Variants in TMEM242 observed in about 807,000 individuals in gnomAD.
TMEM242 encodes UPF0463 transmembrane protein C6orf35.
In TMEM242, 10 loss-of-function variants were observed where a neutral mutation model predicts 18.2. The ratio of observed to expected loss-of-function variants is 0.55; its 90% confidence interval spans 0.34 to 0.93. The LOEUF (loss-of-function observed/expected upper bound fraction) is 0.93. TMEM242 is among the 40% of genes least tolerant of loss of function. TMEM242 has a pLI of 0.02. For synonymous variants in TMEM242, 57 were observed against 69.9 expected, an observed-to-expected ratio of 0.81 and a Z score of 0.92; for missense variants, 186 against 175.5, an observed-to-expected ratio of 1.06 and a Z score of -0.34.
rs782163487 is a variant in TMEM242 at position 157,318,906 on chromosome 6, G to A, written c.203C>T (p.Thr68Met). The A allele has an allele frequency of 1.6e-5, 26 of 1,604,942 alleles. No individual in the cohort carries two copies. Among genetic ancestry groups the A allele is most frequent in the Middle Eastern group, 1.7e-4 (1 of 6,050 alleles). The stretch of plus-strand genomic sequence containing the variant: ...AGACCCGCTTTCCGGTAATGCAGCC[G>A]TGGCCATACTTCCCTGAAATGAAAC... The part of the protein sequence containing the change: ...PEWFNKGSMA[T>M]AALPESGSSL... Residue 68 changes from threonine (T) to methionine (M), a missense_variant, in exon 3 of 4, where the codon ACG becomes ATG. Thr to Met is a moderately conservative substitution (Grantham distance 81). Transcript: ENST00000400788.
intron 3 of TMEM242, among the ~76,000 whole-genome samples, chr6:157,293,855 C>G (rs1200206569): frequency 1.3e-5 from 2 of 152,006 alleles, no homozygotes; most frequent in African/African-American, 4.8e-5. Flanking sequence ...ACCTCAGCAC[C>G]CCCAAGTAGC....
intron 3 of TMEM242, chr6:157,318,455 T>A: frequency 3.0e-6 from 1 of 338,972 alleles, no homozygotes; most frequent in Non-Finnish European, 5.3e-6. Context: ...ACTTCAGAGC[T>A]CAAGTGATTT....
chr6:157,303,552 G>T (rs1336833922), intron 3 of TMEM242, among the ~76,000 whole-genome samples: 1 of 152,168 alleles, frequency 6.6e-6, no homozygotes, highest in Admixed American at 6.5e-5. Context: ...CAGTGGCAGA[G>T]AAACTATTTT....
chr6:157,304,682 G>T (rs1554247793), intron 3 of TMEM242, among the ~76,000 whole-genome samples: 1 of 152,086 alleles, frequency 6.6e-6, no homozygotes, highest in African/African-American at 2.4e-5. Context: ...GATAAAACAA[G>T]ACAATGGTCA....
rs2128412163 is a variant in TMEM242 at position 157,290,137 on chromosome 6, C to T, written c.*2764G>A. On this transcript the variant is annotated 3_prime_UTR_variant, in exon 4 of 4. Transcript: ENST00000400788. ...ATGAATCCTGGGGTCTCGGAAGCCACTCCTCCCTGCCCGTGCTTTCTCTAA... is the reference window on the plus strand; with the variant it reads ...ATGAATCCTGGGGTCTCGGAAGCCATTCCTCCCTGCCCGTGCTTTCTCTAA... The T allele has an allele frequency of 6.6e-6, 1 of 152,366 alleles. No homozygotes were observed. The highest frequency in any genetic ancestry group is 1.9e-4 in the East Asian group (1 of 5,180). The allele number at this position is 152,366 out of a possible 1,614,324, so 9.4% of individuals were successfully genotyped here. A position where few individuals can be genotyped will look rare whatever the true frequency, so the allele number is the denominator to read the frequency against.
chr6:157,302,124 G>C (rs1554247573), intron 3 of TMEM242, among the ~76,000 whole-genome samples: 1 of 152,130 alleles, frequency 6.6e-6, no homozygotes, highest in Non-Finnish European at 1.5e-5. Context: ...ATGGTAAGGG[G>C]ACTAGGTACA....
chr6:157,299,549 G>A, intron 3 of TMEM242: 1 of 1,524,248 alleles, frequency 6.6e-7, no homozygotes, highest in Non-Finnish European at 9.1e-7. Context: ...ACGGTTTTTG[G>A]AAAATGCACT....
chr6:157,291,326 G>A lies in TMEM242; in HGVS notation c.*1575C>T, dbSNP rs1423356436. ...TTTCCCCCCACATCAAACGAGTAAAGTGCATCGTTGTAACAAGGTTTGAGG... is the reference window on the plus strand; with the variant it reads ...TTTCCCCCCACATCAAACGAGTAAAATGCATCGTTGTAACAAGGTTTGAGG... On this transcript the variant is annotated 3_prime_UTR_variant, in exon 4 of 4. Coordinates refer to ENST00000400788, the MANE Select transcript of TMEM242 (RefSeq NM_018452.6). 5 of 142,604 alleles carry A rather than the reference G, an allele frequency of 3.5e-5. No individual in the cohort carries two copies. In the East Asian group the frequency reaches 5.8e-4, roughly 16 times the overall value. 8.8% of individuals were successfully genotyped at this position (142,604 alleles called of 1,614,324 possible).
At chr6:157,304,091 T>G (rs1298631273) in intron 3 of TMEM242, among the ~76,000 whole-genome samples, 3 of 152,166 alleles carry the variant, frequency 2.0e-5, no homozygotes, top group African/African-American at 7.2e-5. Flanking sequence ...TAATTTCTGA[T>G]GCAATATAAA....
chr6:157,309,963 C>T (rs1399774658), intron 3 of TMEM242, among the ~76,000 whole-genome samples: 1 of 152,122 alleles, frequency 6.6e-6, no homozygotes, highest in Admixed American at 6.5e-5. Flanking sequence ...TTCTGCCAGT[C>T]CTTTGAGATA....
chr6:157,299,823 T>C (rs587739421), intron 3 of TMEM242: 34 of 1,610,238 alleles, frequency 2.1e-5, no homozygotes, highest in South Asian at 1.6e-4. Context: ...TGAAGATCCA[T>C]TGTCTCACCC....
chr6:157,302,333 A>G (rs1390725668), intron 3 of TMEM242, among the ~76,000 whole-genome samples: 15 of 152,358 alleles, frequency 9.8e-5, no homozygotes, highest in African/African-American at 3.6e-4. Context: ...TGTTCCCACC[A>G]TCCACCTATA....
chr6:157,308,296 G>A (rs1554248066), intron 3 of TMEM242, among the ~76,000 whole-genome samples: 1 of 152,168 alleles, frequency 6.6e-6, no homozygotes, highest in East Asian at 1.9e-4. Flanking sequence ...ACTTAAATTA[G>A]CAAGGAGCCA....
intron 3 of TMEM242, among the ~76,000 whole-genome samples, chr6:157,306,700 A>G (rs1390182428): frequency 1.3e-5 from 2 of 152,232 alleles, no homozygotes; most frequent in African/African-American, 4.8e-5. Context: ...ATAACTGGGT[A>G]AAATAAAGCA....
chr6:157,301,393 C>CCT (rs1777828561), intron 3 of TMEM242, among the ~76,000 whole-genome samples: 1 of 151,948 alleles, frequency 6.6e-6, no homozygotes, highest in Non-Finnish European at 1.5e-5. Context: ...CTCACTGCAA[C>CCT]CTCTGCCTCC....
chr6:157,313,173 C>A (rs1778249923), intron 3 of TMEM242, among the ~76,000 whole-genome samples: 3 of 117,104 alleles, frequency 2.6e-5, no homozygotes, highest in African/African-American at 9.3e-5. Flanking sequence ...TCATAGTGTC[C>A]CACTGTGCGC....
chr6:157,304,124 A>C (rs1481909177), intron 3 of TMEM242, among the ~76,000 whole-genome samples: 2 of 152,190 alleles, frequency 1.3e-5, no homozygotes, highest in Non-Finnish European at 2.9e-5. Flanking sequence ...GTTAATCATT[A>C]AAAAGGAAAA....
At chr6:157,317,721 T>C (rs1039821683) in intron 3 of TMEM242, among the ~76,000 whole-genome samples, 13 of 152,176 alleles carry the variant, frequency 8.5e-5, no homozygotes, top group Non-Finnish European at 1.6e-4. Flanking sequence ...CCTGACATTA[T>C]CTCCCAATAC....
chr6:157,310,957 C>A (rs1554248521), intron 3 of TMEM242, among the ~76,000 whole-genome samples: 22 of 151,984 alleles, frequency 1.4e-4, no homozygotes, highest in African/African-American at 3.9e-4. Flanking sequence ...AGTGTGCACT[C>A]ACCTGGCCTC....
Sources: allele counts gnomAD v4.1 joint callset (sites outside exome capture counted in the v4.1 genomes callset), GRCh38; gene constraint gnomAD v4.1.1; transcripts MANE v1.5; gene names NCBI Gene and HGNC (gene_info 2026-07-23, HGNC 2026-07-21).